The following TASP1 variants were observed in gnomAD, a reference collection of about 807,000 sequenced individuals.
TASP1 encodes threonine aspartase 1.
Under a neutral mutation model 56.6 loss-of-function variants are expected in TASP1, and 16 were observed. The observed-to-expected ratio is 0.28, with a 90% CI of 0.19 to 0.43. The LOEUF (loss-of-function observed/expected upper bound fraction) is 0.43. Ranked by LOEUF, TASP1 falls within the 20% of genes least tolerant of loss-of-function variation. The pLI, the probability that TASP1 is intolerant of heterozygous loss-of-function variation, is 1.00. For synonymous variants in TASP1, 179 were observed against 184.2 expected (o/e 0.97, Z 0.23); for missense variants, 393 against 511.6 (o/e 0.77, Z 2.24).
chr20:13,401,666 A>G (rs1406002939), intron 13 of TASP1, among the ~76,000 whole-genome samples: 4 of 152,318 alleles, frequency 2.6e-5, no homozygotes, highest in Middle Eastern at 3.4e-3. Context: ...TTGTCTTGAG[A>G]CTGAAAAAAC....
At chr20:13,587,049 G>A (rs985475584) in intron 5 of TASP1, among the ~76,000 whole-genome samples, 17 of 151,936 alleles carry the variant, frequency 1.1e-4, no homozygotes, top group Admixed American at 2.6e-4. Flanking sequence ...ATCTCTTCAA[G>A]GGATACAGGA....
chr20:13,464,949 G>A (rs1349962785), intron 11 of TASP1, among the ~76,000 whole-genome samples: 1 of 151,868 alleles, frequency 6.6e-6, no homozygotes, highest in African/African-American at 2.4e-5. Flanking sequence ...GATTGCTTGA[G>A]GCCAGGAATT....
chr20:13,276,846 A>T, the TASP1 span, among the ~76,000 whole-genome samples: 1 of 152,232 alleles, frequency 6.6e-6, no homozygotes, highest in Admixed American at 6.5e-5. Flanking sequence ...AAGTCTTTTT[A>T]ATTGGATGCC....
rs1444778160 is a variant in TASP1, at chr20:13,580,990, A to T, written c.404-9T>A. 6.2e-7 allele frequency: 1 copy of T among 1,600,948 alleles called. No individual in the cohort carries two copies. The highest frequency in any genetic ancestry group is 8.5e-7 in the Non-Finnish European group (1 of 1,175,286). On this transcript the variant is annotated splice_polypyrimidine_tract_variant and intron_variant, in intron 5 of 13. Transcript: ENST00000337743. ...GACTGGGTTCTTGATTCCTATAAAA[A>T]AAAAAAAAAAATTGGCAAAAAAGAT...
chr20:13,443,545 G>C (rs2043296379), intron 11 of TASP1, among the ~76,000 whole-genome samples: 1 of 152,140 alleles, frequency 6.6e-6, no homozygotes, highest in South Asian at 2.1e-4. Flanking sequence ...GTCTGTAACT[G>C]CTATGGAATG....
chr20:13,332,675 G>A, the TASP1 span, among the ~76,000 whole-genome samples: 968 of 152,230 alleles, frequency 6.4e-3, 4 homozygotes, highest in African/African-American at 0.022. Context: ...TGATGAATAA[G>A]GAAGGACTGA....
chr20:13,592,875 T>A (rs2047585568), intron 4 of TASP1, among the ~76,000 whole-genome samples: 1 of 152,174 alleles, frequency 6.6e-6, no homozygotes, highest in African/African-American at 2.4e-5. Context: ...AGGAACATCA[T>A]CCCTCTTGAA....
rs71188165 is a variant in TASP1 at position 13,576,342 on chromosome 20, GAAGAAAGAAAGAAAGAAAGAAAGA to G, written c.488+4531_488+4554del. Among the ~76,000 whole-genome samples the G allele has an allele frequency of 3.8e-3, 507 of 131,734 alleles. 3 individuals carry two copies. Among genetic ancestry groups the G allele is most frequent in the African/African-American group, 0.014 (477 of 35,042 alleles). The allele number at this position is 131,734 out of a possible 152,430, so 86.4% of individuals were successfully genotyped here. Reference sequence around the variant, plus strand: ...AGAAAGAAAAGAGAAAGAAAGAAAGGAAGAAAGAAAGAAAGAAAGAAAGAAAGAAAGAAAGAAAGAAAGAAAGAA... The same window carrying G: ...AGAAAGAAAAGAGAAAGAAAGAAAGGAAGAAAGAAAGAAAGAAAGAAAGAA... On this transcript the variant is annotated intron_variant, in intron 6 of 13. Transcript: ENST00000337743.
At chr20:13,519,573 C>T (rs556095396) in intron 10 of TASP1, among the ~76,000 whole-genome samples, 37 of 152,134 alleles carry the variant, frequency 2.4e-4, no homozygotes, top group Non-Finnish European at 4.6e-4. Flanking sequence ...ATTCAACAAC[C>T]CTTCATGCTA....
rs2048783031 is a variant in TASP1, at chr20:13,623,335, G to A, written c.282+111C>T. On this transcript the variant is annotated intron_variant, in intron 4 of 13. Coordinates refer to ENST00000337743, the MANE Select transcript of TASP1 (RefSeq NM_017714.3). ...CTTCATAACTTTGCTAATATTGGTG[G>A]GAAACACTGCTCATATAATTTATGG... 6.2e-5 allele frequency: 49 copies of A among 796,126 alleles called. No homozygotes were observed. The South Asian group carries it at 1.1e-3, about 17-fold the overall frequency. The allele number at this position is 796,126 out of a possible 1,614,324, so 49.3% of individuals were successfully genotyped here.
chr20:13,426,848 C>T (rs2042633470), intron 12 of TASP1, among the ~76,000 whole-genome samples: 1 of 152,184 alleles, frequency 6.6e-6, no homozygotes, highest in Non-Finnish European at 1.5e-5. Context: ...GAAGATGTAA[C>T]AATTCCAAAA....
At chr20:13,556,984 G>A (rs1352930591) in intron 8 of TASP1, among the ~76,000 whole-genome samples, 1 of 152,148 alleles carries the variant, frequency 6.6e-6, no homozygotes, top group Non-Finnish European at 1.5e-5. Flanking sequence ...TAGAGCATGA[G>A]CTTCCTCCAT....
intron 6 of TASP1, among the ~76,000 whole-genome samples, chr20:13,577,295 A>G (rs1185048074): frequency 6.6e-6 from 1 of 152,178 alleles, no homozygotes; most frequent in Admixed American, 6.5e-5. Context: ...GGCAGCTCCA[A>G]ATCTTTTGGT....
At chr20:13,384,904 G>A (rs919509267), downstream of TASP1, among the ~76,000 whole-genome samples, 2 of 152,170 alleles carry the variant, frequency 1.3e-5, no homozygotes, top group Non-Finnish European at 2.9e-5. Context: ...CCCTCTGAAG[G>A]TCACCAGCCA....
chr20:13,279,460 T>C, the TASP1 span, among the ~76,000 whole-genome samples: 1 of 152,184 alleles, frequency 6.6e-6, no homozygotes, highest in African/African-American at 2.4e-5. Flanking sequence ...GCCGTGGAAT[T>C]CTTGTGGACC....
the TASP1 span, among the ~76,000 whole-genome samples, chr20:13,355,665 TGCAA>T: frequency 3.9e-5 from 6 of 152,330 alleles, no homozygotes; most frequent in African/African-American, 1.4e-4. Context: ...AAGCCCTGGC[TGCAA>T]ATTATGTGTA....
chr20:13,113,158 G>A, the TASP1 span, among the ~76,000 whole-genome samples: 2 of 152,202 alleles, frequency 1.3e-5, no homozygotes, highest in South Asian at 4.2e-4. Flanking sequence ...ACTCCAGCCT[G>A]GGAGACAGAG....
At chr20:13,232,128 G>A in the TASP1 span, among the ~76,000 whole-genome samples, 1 of 152,300 alleles carries the variant, frequency 6.6e-6, no homozygotes, top group East Asian at 1.9e-4. Flanking sequence ...AGGAGGAGAA[G>A]AGTGGCAGTC....
At chr20:13,401,688 C>G (rs1455206508) in intron 13 of TASP1, among the ~76,000 whole-genome samples, 1 of 152,086 alleles carries the variant, frequency 6.6e-6, no homozygotes, top group Non-Finnish European at 1.5e-5. Context: ...AGAGAAAATT[C>G]CTTTCATCAT....
Sources: allele counts gnomAD v4.1 joint callset (sites outside exome capture counted in the v4.1 genomes callset), GRCh38; gene constraint gnomAD v4.1.1; transcripts MANE v1.5; gene names NCBI Gene and HGNC (gene_info 2026-07-23, HGNC 2026-07-21).